MITF: variants seen among roughly 807,000 people sequenced by gnomAD.
The protein encoded by MITF is melanocyte inducing transcription factor.
A neutral mutation model predicts 60.5 loss-of-function variants in MITF; 17 were observed. The observed-to-expected ratio is 0.28, with a 90% CI of 0.19 to 0.42. The LOEUF is 0.42. Among genes scored for constraint, MITF ranks in the 10% least tolerant of loss-of-function variants. The pLI is 1.00. For synonymous variants in MITF, 260 were observed against 248.5 expected (o/e 1.05, Z -0.43); for missense variants, 622 against 683.5 (o/e 0.91, Z 1.00).
At chr3:69,806,079 C>T (rs1033618645) in intron 1 of MITF, among the ~76,000 whole-genome samples, 5 of 151,136 alleles carry the variant, frequency 3.3e-5, no homozygotes, top group Admixed American at 3.3e-4. Context: ...TATCTGTTAG[C>T]AGAGCCAATT....
At position 69,755,631 on chromosome 3, in the gene MITF, A is replaced by G. The variant is rs189366282; in HGVS notation, c.104+15930A>G. On this transcript the variant is annotated intron_variant, in intron 1 of 9. Transcript: ENST00000352241. ...TGGTCACTAGCAAGCATAAAGGGGAAAAAAAAAGCAGAAAGGGGGGTTAGT... is the reference window on the plus strand; with the variant it reads ...TGGTCACTAGCAAGCATAAAGGGGAGAAAAAAAGCAGAAAGGGGGGTTAGT... Among the ~76,000 whole-genome samples, 12 of 151,640 alleles carry G rather than the reference A, an allele frequency of 7.9e-5. 1 individual carries two copies. In the East Asian group the frequency reaches 2.3e-3, roughly 29 times the overall value.
intron 1 of MITF, among the ~76,000 whole-genome samples, chr3:69,870,967 C>T (rs2064224403): frequency 1.3e-5 from 2 of 152,116 alleles, no homozygotes; most frequent in African/African-American, 4.8e-5. Context: ...GCTGTAGTAT[C>T]CCAGGGTACA....
At chr3:69,845,509 T>G (rs2063716896) in intron 1 of MITF, among the ~76,000 whole-genome samples, 1 of 151,208 alleles carries the variant, frequency 6.6e-6, no homozygotes, top group South Asian at 2.1e-4. Context: ...GTACATACAT[T>G]GTTTTGTACC....
chr3:69,895,203 A>T (rs968247958), intron 2 of MITF, among the ~76,000 whole-genome samples: 2 of 152,234 alleles, frequency 1.3e-5, no homozygotes, highest in Admixed American at 6.5e-5. Flanking sequence ...TAAGTGTTAG[A>T]TACATAAAAC....
intron 1 of MITF, among the ~76,000 whole-genome samples, chr3:69,798,414 A>G (rs536429554): frequency 6.6e-6 from 1 of 152,330 alleles, no homozygotes; most frequent in East Asian, 1.9e-4. Flanking sequence ...CATACTATTT[A>G]TCATTCAGAG....
chr3:69,771,403 C>G (rs2062392510), intron 1 of MITF, among the ~76,000 whole-genome samples: 1 of 152,142 alleles, frequency 6.6e-6, no homozygotes, highest in African/African-American at 2.4e-5. Flanking sequence ...TAACTCATTT[C>G]CTGTTGGATG....
chr3:69,825,923 T>G (rs954535221), intron 1 of MITF, among the ~76,000 whole-genome samples: 1 of 152,218 alleles, frequency 6.6e-6, no homozygotes, highest in African/African-American at 2.4e-5. Flanking sequence ...ATTTATATAT[T>G]AAGATTTACA....
chr3:69,803,707 A>C (rs1575738348), intron 1 of MITF, among the ~76,000 whole-genome samples: 1 of 152,202 alleles, frequency 6.6e-6, no homozygotes, highest in Non-Finnish European at 1.5e-5. Flanking sequence ...ATACATCTCA[A>C]AACGATACAT....
chr3:69,958,239 C>G (rs2066448422), intron 8 of MITF, among the ~76,000 whole-genome samples: 1 of 152,196 alleles, frequency 6.6e-6, no homozygotes. Context: ...TTTATTTTAA[C>G]TACATTTCTC....
At chr3:69,823,159 A>G (rs577764214) in intron 1 of MITF, among the ~76,000 whole-genome samples, 27 of 152,240 alleles carry the variant, frequency 1.8e-4, no homozygotes, top group African/African-American at 5.8e-4. Flanking sequence ...GATTATGGAC[A>G]TGAACCGCTG....
intron 2 of MITF, among the ~76,000 whole-genome samples, chr3:69,902,681 C>T (rs1433482586): frequency 6.6e-6 from 1 of 152,114 alleles, no homozygotes; most frequent in Non-Finnish European, 1.5e-5. Flanking sequence ...ACAAAAAATA[C>T]TACTTTTAAT....
intron 1 of MITF, chr3:69,866,434 G>T: frequency 6.5e-7 from 1 of 1,537,622 alleles, no homozygotes; most frequent in Non-Finnish European, 8.8e-7. Context: ...TAAAGGAAGA[G>T]AAGGGTTTAT....
chr3:69,951,964 TAGAGG>T, intron 7 of MITF, 78 bp downstream of exon 7: 1 of 1,081,536 alleles, frequency 9.2e-7, no homozygotes, highest in Non-Finnish European at 1.4e-6. Context: ...AGAAATTCTG[TAGAGG>T]AGAGTTGATT....
At chr3:69,778,571 C>T (rs1327010895) in intron 1 of MITF, among the ~76,000 whole-genome samples, 1 of 152,094 alleles carries the variant, frequency 6.6e-6, no homozygotes, top group East Asian at 1.9e-4. Context: ...CTCATGGTTG[C>T]AAGATGGCTG....
At chr3:69,954,043 T>C (rs1469494489) in intron 7 of MITF, among the ~76,000 whole-genome samples, 3 of 152,230 alleles carry the variant, frequency 2.0e-5, no homozygotes, top group Non-Finnish European at 2.9e-5. Flanking sequence ...TTTTCTTTAA[T>C]ACACCTTTGT....
intron 3 of MITF, chr3:69,938,435 G>C: frequency 2.0e-6 from 3 of 1,512,544 alleles, no homozygotes; most frequent in Admixed American, 4.7e-5. Context: ...GGGACATGCT[G>C]TTTAGAAGTT....
intron 2 of MITF, among the ~76,000 whole-genome samples, chr3:69,918,055 G>A (rs1211236562): frequency 2.6e-5 from 4 of 151,812 alleles, no homozygotes; most frequent in South Asian, 2.1e-4. Context: ...TACATTATGG[G>A]TTTTGGGGTT....
At position 69,788,414 on chromosome 3, in the gene MITF, T is replaced by C. The variant is rs369846669; in HGVS notation, c.104+48713T>C. Among the ~76,000 whole-genome samples the C allele has an allele frequency of 9.9e-5, 15 of 151,662 alleles. No individual in the cohort carries two copies. In the East Asian group the frequency reaches 1.8e-3, roughly 18 times the overall value. On this transcript the variant is annotated intron_variant, in intron 1 of 9. Coordinates refer to ENST00000352241, the MANE Select transcript of MITF (RefSeq NM_001354604.2). The stretch of plus-strand genomic sequence containing the variant: ...GGTTTTTTGTCCTTGTGATAACCAC[T>C]ATTTTCTCTCTCAGAGAAGCCACGA...
chr3:69,855,632 TA>T lies in MITF; in HGVS notation c.105-23501del, dbSNP rs1466658015. ...ATTATAAAGCTGGCTCCATCTAGTG[TA>T]TGAAGTACTATATAGCTAATACTGG... On this transcript the variant is annotated intron_variant, in intron 1 of 9. Coordinates refer to ENST00000352241, the MANE Select transcript of MITF (RefSeq NM_001354604.2). 2.0e-5 allele frequency among the ~76,000 whole-genome samples: 3 copies of T among 152,246 alleles called. No homozygotes were observed. The East Asian group carries it at 5.8e-4, about 29-fold the overall frequency.
Sources: gnomAD v4.1 joint callset for allele counts (sites outside exome capture counted in the v4.1 genomes callset) on GRCh38, gnomAD v4.1.1 for gene constraint, MANE v1.5 for transcripts, NCBI Gene and HGNC (gene_info 2026-07-23, HGNC 2026-07-21) for gene names.